RPN1: variants seen among roughly 807,000 people sequenced by gnomAD.
RPN1 encodes the protein ribophorin I, also known as dolichyl-diphosphooligosaccharide--protein glycosyltransferase subunit 1.
In RPN1, 12 loss-of-function variants were observed where a neutral mutation model predicts 55.5. That is an observed-to-expected ratio of 0.22 (90% CI 0.14 to 0.35). The LOEUF (loss-of-function observed/expected upper bound fraction) is 0.35. Among genes scored for constraint, RPN1 ranks in the 10% least tolerant of loss-of-function variants. RPN1 has a pLI of 1.00. For synonymous variants in RPN1, 317 were observed against 305.9 expected, an observed-to-expected ratio of 1.04 and a Z score of -0.38; for missense variants, 679 against 761.3, an observed-to-expected ratio of 0.89 and a Z score of 1.27.
At chr3:128,649,702 T>C (rs1490440645) in intron 1 of RPN1, among the ~76,000 whole-genome samples, 1 of 152,218 alleles carries the variant, frequency 6.6e-6, no homozygotes, top group African/African-American at 2.4e-5. Flanking sequence ...ACCCAACATT[T>C]TCTTTGGTGA....
chr3:128,637,729 CAA>C, intron 3 of RPN1, 68 bp downstream of exon 3: 1 of 1,500,692 alleles, frequency 6.7e-7, no homozygotes, highest in East Asian at 2.3e-5. Context: ...CCAAGCCTAT[CAA>C]CCAGTAGTCA....
At chr3:128,633,456 T>C (rs2069655318) in intron 3 of RPN1, among the ~76,000 whole-genome samples, 1 of 151,942 alleles carries the variant, frequency 6.6e-6, no homozygotes. Context: ...TCAAGCAATC[T>C]ACCCACCTTG....
chr3:128,637,040 T>G (rs1229750113), intron 3 of RPN1, among the ~76,000 whole-genome samples: 1 of 152,014 alleles, frequency 6.6e-6, no homozygotes, highest in African/African-American at 2.4e-5. Context: ...AGTTTGAGAC[T>G]AGCCTGGGCA....
At chr3:128,647,648 G>T (rs1159245656) in intron 1 of RPN1, among the ~76,000 whole-genome samples, 1 of 150,650 alleles carries the variant, frequency 6.6e-6, no homozygotes, top group Non-Finnish European at 1.5e-5. Context: ...CTCTGACTGG[G>T]CCACTGTGCT....
In RPN1 at chr3:128,637,793, G is replaced by A. The variant is rs150096055; in HGVS notation, c.633+6C>T. On this transcript the variant is annotated splice_donor_region_variant and intron_variant, in intron 3 of 9. Coordinates refer to ENST00000296255, the MANE Select transcript of RPN1 (RefSeq NM_002950.4). ...CAGGGATGGGCTGGACTCCACCTGA[G>A]CTTACCTGACTATAGGCAGGCACAT... 15,298 of 1,609,678 alleles carry A rather than the reference G, an allele frequency of 9.5e-3. 98 individuals are homozygous for A. Among genetic ancestry groups the A allele is most frequent in the Non-Finnish European group, 0.011 (13,019 of 1,177,802 alleles).
intron 3 of RPN1, among the ~76,000 whole-genome samples, chr3:128,632,557 T>C (rs2069649590): frequency 6.6e-6 from 1 of 152,180 alleles, no homozygotes; most frequent in African/African-American, 2.4e-5. Context: ...GTCATAAACC[T>C]AAGTGGCAAT....
rs530378765 is a variant in RPN1, at chr3:128,625,103, C to A, written c.1395+431G>T. The stretch of plus-strand genomic sequence containing the variant: ...AGGAGCCACGGAGCCTGTCAGGGAG[C>A]AGAGAGTGGGAGTGGGGAGAACGGT... On this transcript the variant is annotated intron_variant, in intron 8 of 9. Transcript: ENST00000296255. Among the ~76,000 whole-genome samples the A allele has an allele frequency of 2.0e-5, 3 of 152,112 alleles. No homozygotes were observed. In the South Asian group the frequency reaches 6.2e-4, roughly 32 times the overall value.
At chr3:128,645,038 G>T in intron 1 of RPN1, 55 bp from the exon 2 acceptor site, 2 of 1,022,840 alleles carry the variant, frequency 2.0e-6, no homozygotes, top group Non-Finnish European at 3.1e-6. Context: ...TAAATTTTGA[G>T]TCAATAATTA....
rs139659228 is a variant in RPN1 at position 128,639,143 on chromosome 3, G to T, written c.327-1038C>A. ...CGAAAATCTGTTTACAAATGACAAA[G>T]AATAACTCCATTTAAAAACATACAT... On this transcript the variant is annotated intron_variant, in intron 2 of 9. Coordinates refer to ENST00000296255, the MANE Select transcript of RPN1 (RefSeq NM_002950.4). Among the ~76,000 whole-genome samples the T allele has an allele frequency of 2.3e-4, 35 of 152,078 alleles. No homozygotes were observed. In the East Asian group the frequency reaches 6.6e-3, roughly 29 times the overall value.
intron 3 of RPN1, among the ~76,000 whole-genome samples, chr3:128,635,185 T>C (rs975234961): frequency 6.6e-6 from 1 of 152,098 alleles, no homozygotes; most frequent in African/African-American, 2.4e-5. Context: ...AATATAAGTA[T>C]GTTTACTACA....
intron 3 of RPN1, among the ~76,000 whole-genome samples, chr3:128,635,565 T>G (rs544166798): frequency 1.3e-4 from 19 of 149,794 alleles, no homozygotes; most frequent in African/African-American, 3.7e-4. Context: ...CCTCCCAAAG[T>G]GCTGGGATTA....
intron 3 of RPN1, 48 bp downstream of exon 3, chr3:128,637,751 A>G: frequency 6.4e-6 from 10 of 1,573,552 alleles, no homozygotes; most frequent in Non-Finnish European, 8.7e-6. Flanking sequence ...ACTCTGCAAG[A>G]CATTCTCTGA....
At chr3:128,637,408 T>C (rs1251096991) in intron 3 of RPN1, among the ~76,000 whole-genome samples, 2 of 152,130 alleles carry the variant, frequency 1.3e-5, no homozygotes, top group Non-Finnish European at 2.9e-5. Flanking sequence ...TAAGCCTTAA[T>C]TGCTCCCTCT....
chr3:128,636,613 G>C, intron 3 of RPN1, among the ~76,000 whole-genome samples: 1 of 152,068 alleles, frequency 6.6e-6, no homozygotes, highest in East Asian at 1.9e-4. Flanking sequence ...GAGTGGGGTG[G>C]TGCAATCATA....
At chr3:128,639,928 GA>G (rs1232009323) in intron 2 of RPN1, among the ~76,000 whole-genome samples, 1 of 151,886 alleles carries the variant, frequency 6.6e-6, no homozygotes, top group African/African-American at 2.4e-5. Flanking sequence ...CTCATATCAA[GA>G]AAAAAATAAA....
In RPN1 at chr3:128,620,550, A is replaced by G; in HGVS notation, c.1685T>C (p.Val562Ala). 6.2e-7 allele frequency: 1 copy of G among 1,614,134 alleles called. No individual in the cohort carries two copies. The highest frequency in any genetic ancestry group is 1.1e-5 in the South Asian group (1 of 91,064). ...QKLDAQVKELVLKSAVEAERL... is the reference protein window; with the variant it reads ...QKLDAQVKELALKSAVEAERL... Reference sequence around the variant, plus strand: ...CTCAGCCTCCACCGCCGACTTCAGCACCAGCTCCTTGACCTGTGCATCCAG... The same window carrying G: ...CTCAGCCTCCACCGCCGACTTCAGCGCCAGCTCCTTGACCTGTGCATCCAG... The change falls in exon 10 of 10, where the codon GTG becomes GCG. Residue 562 changes from valine (V) to alanine (A), a missense_variant. Around this residue, in one of 3 missense-constraint regions of RPN1, gnomAD observed 306 missense variants for 360.0 expected, o/e 0.85. Transcript: ENST00000296255.
At position 128,626,763 on chromosome 3, in the gene RPN1, G is replaced by C. The variant is rs776506560; in HGVS notation, c.1106C>G (p.Thr369Ser). The change falls in exon 6 of 10, where the codon ACT becomes AGT. Residue 369 changes from threonine to serine, a missense_variant. Thr to Ser is a moderately conservative substitution (Grantham distance 58, BLOSUM62 1). This residue lies in a region of RPN1 where 306 missense variants were observed against 360.0 expected (regional missense o/e 0.85). Transcript: ENST00000296255. ...VFDEQVIDSL[T>S]VKIILPEGAK... is the part of the protein sequence containing the mutation. ...TCCTTCAGGCAGGATGATCTTCACA[G>C]TCAGAGAATCTATCACTTGTTCATC... 6.2e-7 allele frequency: 1 copy of C among 1,614,146 alleles called. No homozygotes were observed. The highest frequency in any genetic ancestry group is 2.2e-5 in the East Asian group (1 of 44,876).
chr3:128,639,935 A>G (rs1262845934), intron 2 of RPN1, among the ~76,000 whole-genome samples: 3 of 152,308 alleles, frequency 2.0e-5, no homozygotes, highest in East Asian at 3.9e-4. Flanking sequence ...CAAGAAAAAA[A>G]TAAAGCTACT....
At chr3:128,635,750 C>T (rs2069677264) in intron 3 of RPN1, among the ~76,000 whole-genome samples, 1 of 148,248 alleles carries the variant, frequency 6.7e-6, no homozygotes, top group African/African-American at 2.5e-5. Flanking sequence ...GTACACCTGG[C>T]CTTATATATA....
Sources: allele counts gnomAD v4.1 joint callset (sites outside exome capture counted in the v4.1 genomes callset), GRCh38; gene constraint gnomAD v4.1.1; regional missense constraint gnomAD v4.1.1; transcripts MANE v1.5; gene names NCBI Gene and HGNC (gene_info 2026-07-23, HGNC 2026-07-21).